Variants in TPR observed in about 807,000 individuals in gnomAD.
The protein encoded by TPR is translocated promoter region, nuclear basket protein.
TPR carries 51 observed loss-of-function variants against 316.1 expected under a neutral mutation model. That is an observed-to-expected ratio of 0.16 (90% CI 0.13 to 0.20). TPR has a LOEUF of 0.20. Ranked by LOEUF, TPR falls within the 10% of genes least tolerant of loss-of-function variation. The pLI is 1.00. For synonymous variants in TPR, 981 were observed against 914.7 expected (o/e 1.07, Z -1.31); for missense variants, 2,272 against 2,754.8 (o/e 0.82, Z 3.92).
At chr1:186,328,835 A>C (rs1388154267) in intron 39 of TPR, among the ~76,000 whole-genome samples, 1 of 152,192 alleles carries the variant, frequency 6.6e-6, no homozygotes, top group Admixed American at 6.6e-5. Flanking sequence ...ACTGAAATAA[A>C]CTATTATTTT....
chr1:186,358,708 A>T, intron 12 of TPR, 58 bp from the exon 13 acceptor site: 2 of 1,403,396 alleles, frequency 1.4e-6, no homozygotes, highest in Non-Finnish European at 2.0e-6. Flanking sequence ...TTATACAAGT[A>T]ATAAAGACAT....
chr1:186,325,958 A>G (rs1319984153), intron 41 of TPR, 104 bp from the exon 42 acceptor site: 7 of 1,551,338 alleles, frequency 4.5e-6, no homozygotes, highest in Non-Finnish European at 6.1e-6. Flanking sequence ...ACAAATAAGT[A>G]ACCATAACAA....
intron 49 of TPR, 69 bp from the exon 50 acceptor site, chr1:186,314,793 T>C (rs1033148547): frequency 1.1e-5 from 10 of 947,372 alleles, no homozygotes; most frequent in African/African-American, 1.7e-5. Flanking sequence ...TGATACAAAC[T>C]AATTACTAAA....
intron 36 of TPR, 56 bp downstream of exon 36, chr1:186,334,269 C>T: frequency 1.4e-6 from 2 of 1,471,934 alleles, no homozygotes; most frequent in Non-Finnish European, 9.2e-7. Flanking sequence ...TTACTGTCAT[C>T]TTCTCATAAT....
In TPR at chr1:186,369,573, A is replaced by AT. The variant is rs578043325; in HGVS notation, c.330+1396dup. 3.7e-3 allele frequency among the ~76,000 whole-genome samples: 565 copies of AT among 152,132 alleles called. 5 individuals are homozygous for AT. Among genetic ancestry groups the AT allele is most frequent in the African/African-American group, 0.013 (548 of 41,512 alleles). On this transcript the variant is annotated intron_variant, in intron 3 of 50. Coordinates refer to ENST00000367478, the MANE Select transcript of TPR (RefSeq NM_003292.3). ...TGTTTGTGTATAGAAATGCTACTAG[A>AT]TTTTTTAATATTGATTTTGTATCCT...
rs67791640 is a variant in TPR, at chr1:186,352,117, A to AT, written c.2335-8dup. 0.047 allele frequency: 73,797 copies of AT among 1,582,064 alleles called. 1,921 individuals carry two copies. Among genetic ancestry groups the AT allele is most frequent in the Non-Finnish European group, 0.049 (57,749 of 1,169,418 alleles). ...TCAAATTTTCTGCTCTTACCTAAAC[A>AT]TAAGTAGAAATGAAATAAAAAATGC... On this transcript the variant is annotated splice_region_variant and splice_polypyrimidine_tract_variant and intron_variant, in intron 18 of 50. Coordinates refer to ENST00000367478, the MANE Select transcript of TPR (RefSeq NM_003292.3).
intron 49 of TPR, among the ~76,000 whole-genome samples, chr1:186,315,291 T>C (rs12064371): frequency 0.28 from 43,047 of 151,270 alleles, 6,751 homozygotes; most frequent in Admixed American, 0.38. Flanking sequence ...TTCACTTATA[T>C]TAATAAATAT....
intron 31 of TPR, 112 bp downstream of exon 31, chr1:186,337,921 T>C (rs542328809): frequency 2.4e-6 from 2 of 850,032 alleles, no homozygotes; most frequent in East Asian, 2.7e-5. Context: ...ATATCATATA[T>C]GCTTACACGA....
intron 49 of TPR, among the ~76,000 whole-genome samples, chr1:186,317,276 A>G (rs1342256546): frequency 2.6e-5 from 4 of 152,268 alleles, no homozygotes; most frequent in East Asian, 1.9e-4. Flanking sequence ...CACCATGTCC[A>G]TATTTCTTAT....
chr1:186,332,424 TAACTA>T, intron 37 of TPR, 81 bp from the exon 38 acceptor site: 2 of 1,425,194 alleles, frequency 1.4e-6, no homozygotes, highest in Non-Finnish European at 1.9e-6. Flanking sequence ...TATGGTCACT[TAACTA>T]AAGGAGAACA....
chr1:186,314,602 T>A (rs753231195), intron 50 of TPR, 27 bp downstream of exon 50: 2 of 1,551,866 alleles, frequency 1.3e-6, no homozygotes, highest in Non-Finnish European at 8.8e-7. Context: ...CATTCTATCA[T>A]GTAATCCAGT....
At chr1:186,369,488 G>A (rs1461855338) in intron 3 of TPR, among the ~76,000 whole-genome samples, 2 of 151,854 alleles carry the variant, frequency 1.3e-5, no homozygotes, top group Non-Finnish European at 2.9e-5. Context: ...TTATTCCTAA[G>A]TTGTTTTTTG....
chr1:186,357,951 A>G (rs1385520168), intron 13 of TPR, among the ~76,000 whole-genome samples: 3 of 152,194 alleles, frequency 2.0e-5, no homozygotes, highest in African/African-American at 4.8e-5. Context: ...TTTTGTATAT[A>G]TGATAGGGCA....
At position 186,335,339 on chromosome 1, in the gene TPR, T is replaced by G; in HGVS notation, c.4910A>C (p.Lys1637Thr). The change falls in exon 34 of 51, where the codon AAG becomes ACG. Residue 1637 changes from lysine to threonine, a missense_variant and splice_region_variant. Lys to Thr is a moderately conservative substitution (Grantham distance 78). Transcript: ENST00000367478. Reference protein sequence around the residue: ...QRDEPQEPSNKVPEQQRQITL... With the variant: ...QRDEPQEPSNTVPEQQRQITL... The stretch of plus-strand genomic sequence containing the variant: ...ACTTAAGCAGAATTAGCTAATCACC[T>G]TATTAGAAGGTTCTTGAGGCTCATC... 6.2e-7 allele frequency: 1 copy of G among 1,612,814 alleles called. No homozygotes were observed. The highest frequency in any genetic ancestry group is 8.5e-7 in the Non-Finnish European group (1 of 1,179,460).
At chr1:186,360,031 C>CT in intron 11 of TPR, 35 bp from the exon 12 acceptor site, 1 of 1,573,906 alleles carries the variant, frequency 6.4e-7, no homozygotes, top group Non-Finnish European at 8.6e-7. Flanking sequence ...CAAATCTAAC[C>CT]ATAACAACGC....
intron 4 of TPR, among the ~76,000 whole-genome samples, chr1:186,365,000 CAAG>C (rs531883490): frequency 1.9e-4 from 29 of 151,784 alleles, no homozygotes; most frequent in Middle Eastern, 3.4e-3. Context: ...TCTGGTTACA[CAAG>C]AAGAAGACCT....
At position 186,345,674 on chromosome 1, in the gene TPR, A is replaced by T; in HGVS notation, c.3119T>A (p.Leu1040His). 6.2e-7 allele frequency: 1 copy of T among 1,612,454 alleles called. No homozygotes were observed. Among genetic ancestry groups the T allele is most frequent in the Non-Finnish European group, 8.5e-7 (1 of 1,179,326 alleles). ...TTGTACTTCATTCTGAACACTAGAA[A>T]GTGTTTTCTTCAATTCAGATAACTA... ...EQQLSELKKT[L>H]SSVQNEVQEA... Residue 1040 changes from leucine to histidine, a missense_variant, in exon 24 of 51, where the codon CTT becomes CAT. By Grantham distance (99) the Leu-to-His change is moderately conservative. Coordinates refer to ENST00000367478, the MANE Select transcript of TPR (RefSeq NM_003292.3).
intron 24 of TPR, among the ~76,000 whole-genome samples, 180 bp downstream of exon 24, chr1:186,345,400 C>T (rs1486101017): frequency 1.3e-5 from 2 of 152,018 alleles, no homozygotes; most frequent in East Asian, 1.9e-4. Flanking sequence ...ATGAATATTG[C>T]CCTATGTATT....
At chr1:186,362,453 T>G in intron 6 of TPR, 73 bp from the exon 7 acceptor site, 1 of 1,221,196 alleles carries the variant, frequency 8.2e-7, no homozygotes, top group Non-Finnish European at 1.2e-6. Flanking sequence ...AGGTTTATGC[T>G]GCTAAGGAAA....
Sources: gnomAD v4.1 joint callset for allele counts (sites outside exome capture counted in the v4.1 genomes callset) on GRCh38, gnomAD v4.1.1 for gene constraint, MANE v1.5 for transcripts, NCBI Gene and HGNC (gene_info 2026-07-23, HGNC 2026-07-21) for gene names.